Variants in SRCAP observed in about 807,000 individuals in gnomAD.
SRCAP encodes the protein Snf2 related CREBBP activator protein, also known as chromatin remodeling protein SRCAP.
In SRCAP, 46 loss-of-function variants were observed where a neutral mutation model predicts 263.1. The observed-to-expected ratio is 0.17, with a 90% CI of 0.14 to 0.22. SRCAP has a LOEUF of 0.22. Among genes scored for constraint, SRCAP ranks in the 10% least tolerant of loss-of-function variants. The probability of loss-of-function intolerance (pLI) is 1.00; values close to 1 mark genes in which losing one functional copy is unlikely to be tolerated. For synonymous variants in SRCAP, 1,813 were observed against 1,662.1 expected, an observed-to-expected ratio of 1.09 and a Z score of -2.21; for missense variants, 3,695 against 4,181.9, an observed-to-expected ratio of 0.88 and a Z score of 3.21.
rs1455635468 is a variant in SRCAP at position 30,730,579 on chromosome 16, A to C, written c.6127+1007A>C. On this transcript the variant is annotated intron_variant, in intron 27 of 33. Transcript: ENST00000262518. ...CCTGAGTAGCTGGGATTACAGGTGC[A>C]CACCACCACACCCGGCTAATTTTTG... Among the ~76,000 whole-genome samples, 4 of 150,410 alleles carry C rather than the reference A, an allele frequency of 2.7e-5. No individual in the cohort carries two copies. The East Asian group carries it at 5.9e-4, about 22-fold the overall frequency.
Position 30,712,445 on chromosome 16 carries a change from T to C in SRCAP, c.1993+6T>C. The C allele has an allele frequency of 6.4e-7, 1 of 1,564,454 alleles. No individual in the cohort carries two copies. Among genetic ancestry groups the C allele is most frequent in the East Asian group, 2.2e-5 (1 of 44,530 alleles). On this transcript the variant is annotated splice_donor_region_variant and intron_variant, in intron 13 of 33. Coordinates refer to ENST00000262518, the MANE Select transcript of SRCAP (RefSeq NM_006662.3). Reference sequence around the variant, plus strand: ...CCACTTGGCTTGTGAGAAAGGTAAGTAGGCAAGGCCCCTTCTTTTGTTCCC... The same window carrying C: ...CCACTTGGCTTGTGAGAAAGGTAAGCAGGCAAGGCCCCTTCTTTTGTTCCC...
chr16:30,722,019 TG>T, intron 21 of SRCAP, 102 bp from the exon 22 acceptor site: 1 of 1,423,324 alleles, frequency 7.0e-7, no homozygotes. Flanking sequence ...AGGGCTTAGT[TG>T]TTTGAACTGG....
intron 25 of SRCAP, 152 bp from the exon 26 acceptor site, chr16:30,728,814 G>GT (rs2053086593): frequency 2.3e-6 from 2 of 856,382 alleles, no homozygotes; most frequent in Non-Finnish European, 3.5e-6. Flanking sequence ...AGAAAGAATA[G>GT]TTCTCATTGA....
In SRCAP at chr16:30,737,508, C is replaced by G. The variant is rs1205599810; in HGVS notation, c.7468C>G (p.Gln2490Glu). The change falls in exon 34 of 34, where the codon CAG becomes GAG. Residue 2490 changes from glutamine (Q) to glutamate (E), a missense_variant. By Grantham distance (29) the Gln-to-Glu change is conservative. This residue lies in a region of SRCAP where 1,207 missense variants were observed against 1,142.9 expected (regional missense o/e 1.06). Transcript: ENST00000262518. ...HILPSPPPPS[Q>E]IPPCSSPACT... is the part of the protein sequence containing the mutation. The stretch of plus-strand genomic sequence containing the variant: ...CTTGCCTTCTCCTCCCCCTCCTTCA[C>G]AGATTCCTCCTTGTTCTTCTCCTGC... The G allele has an allele frequency of 6.2e-7, 1 of 1,601,530 alleles. No individual in the cohort carries two copies. The highest frequency in any genetic ancestry group is 8.6e-7 in the Non-Finnish European group (1 of 1,168,890).
intron 3 of SRCAP, among the ~76,000 whole-genome samples, chr16:30,702,836 C>T (rs1596639389): frequency 6.6e-6 from 1 of 151,334 alleles, no homozygotes. Context: ...GAACTCCTGA[C>T]CATGTGATCC....
At chr16:30,725,750 A>G (rs2053058288) in intron 25 of SRCAP, 1 of 152,152 alleles carries the variant, frequency 6.6e-6, no homozygotes. Context: ...TATAAATCAT[A>G]TACCATTCGA....
intron 25 of SRCAP, 134 bp from the exon 26 acceptor site, chr16:30,728,832 G>A: frequency 9.0e-7 from 1 of 1,107,920 alleles, no homozygotes; most frequent in South Asian, 2.0e-5. Context: ...TGATAACTTG[G>A]AAAACTACAA....
In SRCAP at chr16:30,713,298, C is replaced by T. The variant is rs372334206; in HGVS notation, c.2221C>T (p.Arg741Cys). The T allele has an allele frequency of 1.9e-5, 31 of 1,614,106 alleles. No individual in the cohort carries two copies. Among genetic ancestry groups the T allele is most frequent in the South Asian group, 3.3e-5 (3 of 91,080 alleles). The change falls in exon 15 of 34, where the codon CGC becomes TGC. Residue 741 changes from arginine to cysteine, a missense_variant. Arg to Cys is a radical substitution (Grantham distance 180). Transcript: ENST00000262518. ...DHQAFRRKNW[R>C]YLILDEAQNI... ...CCAGGCCTTCCGTCGCAAGAACTGG[C>T]GCTATCTCATTCTGGATGAGGCGCA...
In SRCAP at chr16:30,716,324, A is replaced by G. The variant is rs2052949345; in HGVS notation, c.2662A>G (p.Met888Val). The change falls in exon 18 of 34, where the codon ATG (methionine) becomes GTG (valine). Residue 888 changes from methionine (M) to valine (V), a missense_variant. Physicochemically the swap from Met to Val is conservative, Grantham distance 21 (BLOSUM62 1). Transcript: ENST00000262518. ...TKETLATGHF[M>V]SVINILMQLR... The stretch of plus-strand genomic sequence containing the variant: ...GGAGACACTAGCCACAGGCCATTTC[A>G]TGAGCGTCATCAACATTTTGATGCA... The G allele has an allele frequency of 6.2e-7, 1 of 1,614,020 alleles. No homozygotes were observed. Among genetic ancestry groups the G allele is most frequent in the African/African-American group, 1.3e-5 (1 of 74,914 alleles).
At chr16:30,713,800 G>A in intron 16 of SRCAP, 89 bp downstream of exon 16, 1 of 1,291,878 alleles carries the variant, frequency 7.7e-7, no homozygotes, top group Non-Finnish European at 1.1e-6. Context: ...CCCTTGGGGA[G>A]AGGGAAGTCA....
chr16:30,726,411 C>G (rs2053065047), intron 25 of SRCAP: 4 of 152,130 alleles, frequency 2.6e-5, no homozygotes, highest in Non-Finnish European at 1.5e-5. Flanking sequence ...TATATTGTAA[C>G]TAGGTTTTAA....
In SRCAP at chr16:30,723,090, T is replaced by C. The variant is rs374342250; in HGVS notation, c.4020T>C (p.Ala1340=). 1.9e-6 allele frequency: 3 copies of C among 1,613,948 alleles called. No homozygotes were observed. The highest frequency in any genetic ancestry group is 1.7e-6 in the Non-Finnish European group (2 of 1,180,006). The change falls in exon 24 of 34, where the codon GCT becomes GCC. Residue 1340 remains alanine (A), a synonymous_variant. Coordinates refer to ENST00000262518, the MANE Select transcript of SRCAP (RefSeq NM_006662.3). The part of the protein sequence containing the change: ...APRPPSSGLP[A]VLNPRPTLTP... ...GGCCTCCGAGCTCTGGGCTTCCAGCTGTGTTGAATCCACGCCCCACGTTAA... is the reference window on the plus strand; with the variant it reads ...GGCCTCCGAGCTCTGGGCTTCCAGCCGTGTTGAATCCACGCCCCACGTTAA...
rs764003077 is a variant in SRCAP, at chr16:30,737,996, G to A, written c.7956G>A (p.Leu2652=). ...TGTGTGTGAGTGAGAGCAATGGCCT[G>A]GAGCTCCCACCCTCAGCAGCATCTG... ...LPLCVSESNG[L]ELPPSAASDE... Residue 2652 remains leucine (L), a synonymous_variant, in exon 34 of 34, where the codon CTG becomes CTA. Coordinates refer to ENST00000262518, the MANE Select transcript of SRCAP (RefSeq NM_006662.3). The A allele has an allele frequency of 5.6e-6, 9 of 1,613,996 alleles. No homozygotes were observed. Among genetic ancestry groups the A allele is most frequent in the South Asian group, 1.1e-5 (1 of 91,084 alleles).
rs148021300 is a variant in SRCAP, at chr16:30,702,952, C to T, written c.55-1112C>T. ...TGGGTGTTTGAGAACATTGGCTATG[C>T]CTGCAGCCCATGCCTGTCCAGTGAA... On this transcript the variant is annotated intron_variant, in intron 3 of 33. Transcript: ENST00000262518. Among the ~76,000 whole-genome samples the T allele has an allele frequency of 3.7e-3, 561 of 151,916 alleles. 5 individuals carry two copies. The highest frequency in any genetic ancestry group is 6.8e-3 in the Middle Eastern group (2 of 294).
In SRCAP at chr16:30,720,820, T is replaced by C. The variant is rs2053004060; in HGVS notation, c.3095T>C (p.Leu1032Pro). The C allele has an allele frequency of 1.2e-6, 2 of 1,613,962 alleles. No homozygotes were observed. The highest frequency in any genetic ancestry group is 1.7e-6 in the Non-Finnish European group (2 of 1,179,980). The change falls in exon 20 of 34, where the codon CTC becomes CCC. Residue 1032 changes from leucine to proline, a missense_variant. Physicochemically the swap from Leu to Pro is moderately conservative, Grantham distance 98 (BLOSUM62 -3). Around this residue, in one of 12 missense-constraint regions of SRCAP, gnomAD observed 1,347 missense variants for 1,304.4 expected, o/e 1.03. Coordinates refer to ENST00000262518, the MANE Select transcript of SRCAP (RefSeq NM_006662.3). ...GTTCGACCTCCTCCAGGTCCTGAGC[T>C]CTCAGCCCAGCCCACCCCTGGCCCA... ...VPVRPPPGPE[L>P]SAQPTPGPVP...
chr16:30,722,614 A>G lies in SRCAP; in HGVS notation c.3758A>G (p.Gln1253Arg). The stretch of plus-strand genomic sequence containing the variant: ...GGGGGGCAGCACCATCTCATCAGCC[A>G]GCCTGCCCATGTGGCCCTCATCCAG... ...SAGGQHHLISQPAHVALIQAV... is the reference protein window; with the variant it reads ...SAGGQHHLISRPAHVALIQAV... Residue 1253 changes from glutamine to arginine, a missense_variant, in exon 23 of 34, where the codon CAG becomes CGG. Gln to Arg is a conservative substitution (Grantham distance 43). Coordinates refer to ENST00000262518, the MANE Select transcript of SRCAP (RefSeq NM_006662.3). 1 of 1,614,092 alleles carries G rather than the reference A, an allele frequency of 6.2e-7. No individual in the cohort carries two copies. Among genetic ancestry groups the G allele is most frequent in the South Asian group, 1.1e-5 (1 of 91,078 alleles).
intron 25 of SRCAP, among the ~76,000 whole-genome samples, chr16:30,727,402 CT>C (rs377539022): frequency 4.4e-4 from 67 of 152,048 alleles, no homozygotes; most frequent in African/African-American, 1.5e-3. Context: ...TACAAATAGT[CT>C]TTTTTTTGAG....
At chr16:30,725,614 C>T (rs1242870244) in intron 25 of SRCAP, 2 of 153,494 alleles carry the variant, frequency 1.3e-5, no homozygotes, top group African/African-American at 4.8e-5. Context: ...ATTGACTCCA[C>T]CTTTGGTTTT....
intron 3 of SRCAP, among the ~76,000 whole-genome samples, chr16:30,701,820 G>C (rs961647626): frequency 4.0e-5 from 6 of 151,420 alleles, no homozygotes; most frequent in African/African-American, 1.2e-4. Context: ...GTAGAGATGG[G>C]GTTTCACCAT....
Sources: gnomAD v4.1 joint callset for allele counts (sites outside exome capture counted in the v4.1 genomes callset) on GRCh38, gnomAD v4.1.1 for gene constraint, gnomAD v4.1.1 regional missense constraint, MANE v1.5 for transcripts, NCBI Gene and HGNC (gene_info 2026-07-23, HGNC 2026-07-21) for gene names.